The following PSMC6 variants were observed in gnomAD, a reference collection of about 807,000 sequenced individuals.
PSMC6 encodes proteasome 26S subunit, ATPase 6.
A neutral mutation model predicts 55.9 loss-of-function variants in PSMC6; 3 were observed. That is an observed-to-expected ratio of 0.05 (90% CI 0.02 to 0.14). The LOEUF is 0.14. Ranked by LOEUF, PSMC6 falls within the 10% of genes least tolerant of loss-of-function variation. PSMC6 has a pLI of 1.00. For synonymous variants in PSMC6, 137 were observed against 155.9 expected, an observed-to-expected ratio of 0.88 and a Z score of 0.90; for missense variants, 210 against 478.7, an observed-to-expected ratio of 0.44 and a Z score of 5.24.
chr14:52,720,015 A>G (rs1379807276), intron 10 of PSMC6, among the ~76,000 whole-genome samples: 1 of 152,028 alleles, frequency 6.6e-6, no homozygotes, highest in Non-Finnish European at 1.5e-5. Context: ...ATGAGGTCTG[A>G]GCATTGAGAC....
chr14:52,712,245 C>T (rs1331100879), intron 6 of PSMC6, among the ~76,000 whole-genome samples: 2 of 152,024 alleles, frequency 1.3e-5, no homozygotes, highest in South Asian at 2.1e-4. Flanking sequence ...ATTAAAAATA[C>T]ACATTACTAG....
At chr14:52,709,365 C>A (rs1477631641) in intron 4 of PSMC6, among the ~76,000 whole-genome samples, 2 of 152,284 alleles carry the variant, frequency 1.3e-5, no homozygotes, top group East Asian at 3.9e-4. Context: ...TTAGATAATT[C>A]TTTTAAATTC....
At chr14:52,712,399 G>C (rs1407067118) in intron 6 of PSMC6, among the ~76,000 whole-genome samples, 3 of 73,908 alleles carry the variant, frequency 4.1e-5, no homozygotes, top group Admixed American at 4.0e-4. Context: ...AAAAAAGGCA[G>C]TTCTCACCTG....
In PSMC6 at chr14:52,708,771, T is replaced by G; in HGVS notation, c.213T>G (p.Val71=). Residue 71 remains valine, a synonymous_variant, in exon 4 of 14, where the codon GTT becomes GTG. Coordinates refer to ENST00000445930, the MANE Select transcript of PSMC6 (RefSeq NM_002806.5). ...LKQLTEEKFI[V]KATNGPRYVV... ...TTATGTTTTTTCTTCTAGTCATTGT[T>G]AAAGCTACCAATGGACCAAGATATG... 2 of 1,613,602 alleles carry G rather than the reference T, an allele frequency of 1.2e-6. No individual in the cohort carries two copies. Among genetic ancestry groups the G allele is most frequent in the Non-Finnish European group, 1.7e-6 (2 of 1,179,810 alleles).
chr14:52,723,232 C>T (rs1482989300), intron 12 of PSMC6: 2 of 152,216 alleles, frequency 1.3e-5, no homozygotes, highest in Non-Finnish European at 2.9e-5. Context: ...AAATAGAGAA[C>T]GACATGCCCT....
chr14:52,720,043 C>T (rs2041871616), intron 10 of PSMC6, among the ~76,000 whole-genome samples: 2 of 151,756 alleles, frequency 1.3e-5, no homozygotes, highest in South Asian at 2.1e-4. Context: ...ACCAACGTAG[C>T]GAAACACCAT....
chr14:52,708,582 GA>G, intron 3 of PSMC6, 60 bp downstream of exon 3: 1 of 1,564,726 alleles, frequency 6.4e-7, no homozygotes, highest in East Asian at 2.2e-5. Context: ...TCTCACTTTT[GA>G]AATGCTTATT....
chr14:52,726,378 A>G (rs1594855996), intron 13 of PSMC6, among the ~76,000 whole-genome samples: 1 of 152,176 alleles, frequency 6.6e-6, no homozygotes, highest in Non-Finnish European at 1.5e-5. Flanking sequence ...ATGAATAATG[A>G]CTCCGAGTTT....
intron 6 of PSMC6, among the ~76,000 whole-genome samples, chr14:52,713,029 C>G (rs1330245166): frequency 6.6e-6 from 1 of 152,058 alleles, no homozygotes; most frequent in Admixed American, 6.6e-5. Flanking sequence ...GTCAGGAGTT[C>G]AAGACCAGCC....
chr14:52,723,616 T>G (rs2139857444), intron 12 of PSMC6: 1 of 211,856 alleles, frequency 4.7e-6, no homozygotes, highest in Middle Eastern at 1.8e-3. Flanking sequence ...GTTATAGGTT[T>G]ATTCAAATCC....
At chr14:52,716,382 T>C (rs2041830165) in intron 7 of PSMC6, among the ~76,000 whole-genome samples, 1 of 152,246 alleles carries the variant, frequency 6.6e-6, no homozygotes, top group Admixed American at 6.5e-5. Context: ...CAGAGATAGC[T>C]GCACTCCCAT....
At position 52,728,558 on chromosome 14, in the gene PSMC6, A is replaced by G. The variant is rs751457356; in HGVS notation, c.*941A>G. The G allele has an allele frequency of 3.3e-5, 5 of 152,236 alleles. No individual in the cohort carries two copies. The highest frequency in any genetic ancestry group is 5.9e-5 in the Non-Finnish European group (4 of 68,036). 9.4% of individuals were successfully genotyped at this position (152,236 alleles called of 1,614,324 possible). ...TTTCTGTTACCTATACATGATTCTT[A>G]TATCATCTGGCAATAAAAGCTATAA... is the stretch of plus-strand genomic sequence containing the variant. On this transcript the variant is annotated 3_prime_UTR_variant, in exon 14 of 14. Coordinates refer to ENST00000445930, the MANE Select transcript of PSMC6 (RefSeq NM_002806.5).
rs1018731335 is a variant in PSMC6 at position 52,721,363 on chromosome 14, T to A, written c.979+173T>A. 1.1e-5 allele frequency: 6 copies of A among 549,052 alleles called. No homozygotes were observed. The Admixed American group carries it at 1.9e-4, about 17-fold the overall frequency. The allele number at this position is 549,052 out of a possible 1,614,324, so 34.0% of individuals were successfully genotyped here. A position where few individuals can be genotyped will look rare whatever the true frequency, so the allele number is the denominator to read the frequency against. ...ATAAGCTAGGAACCATTGTAAGTGT[T>A]TTGTAAGGGCTGACAATATAGCAAG... On this transcript the variant is annotated intron_variant, in intron 12 of 13. Transcript: ENST00000445930.
chr14:52,723,928 A>AT, intron 12 of PSMC6, 37 bp from the exon 13 acceptor site: 1 of 1,605,226 alleles, frequency 6.2e-7, no homozygotes, highest in Non-Finnish European at 8.5e-7. Context: ...TAAAGGTCTA[A>AT]TTTTTAAAAC....
rs765299793 is a variant in PSMC6 at position 52,721,030 on chromosome 14, C to G, written c.898+49C>G. On this transcript the variant is annotated intron_variant, in intron 11 of 13. Transcript: ENST00000445930. ...TGTCCATTTCCCTTTGTGCCCATTTCTTTTTCCATACTTCACTTCACCTTC... is the reference window on the plus strand; with the variant it reads ...TGTCCATTTCCCTTTGTGCCCATTTGTTTTTCCATACTTCACTTCACCTTC... 4.4e-6 allele frequency: 7 copies of G among 1,594,560 alleles called. No homozygotes were observed. In the East Asian group the frequency reaches 1.3e-4, roughly 31 times the overall value.
intron 13 of PSMC6, among the ~76,000 whole-genome samples, chr14:52,726,016 G>A (rs1880394851): frequency 6.6e-6 from 1 of 152,166 alleles, no homozygotes; most frequent in African/African-American, 2.4e-5. Context: ...TAGAAATCTA[G>A]AAAGGAAGTA....
chr14:52,717,150 G>A (rs184713381), intron 7 of PSMC6, among the ~76,000 whole-genome samples: 5 of 152,248 alleles, frequency 3.3e-5, no homozygotes, highest in Admixed American at 3.3e-4. Flanking sequence ...TAACCACAAA[G>A]TAATGCTAAG....
Position 52,718,881 on chromosome 14 carries a change from AT to A in PSMC6, c.716-95del, listed in dbSNP as rs572963587. 6.9e-5 allele frequency: 64 copies of A among 926,948 alleles called. No homozygotes were observed. In the South Asian group the frequency reaches 8.9e-4, roughly 13 times the overall value. The allele number at this position is 926,948 out of a possible 1,614,324, so 57.4% of individuals were successfully genotyped here. A position where few individuals can be genotyped will look rare whatever the true frequency, so the allele number is the denominator to read the frequency against. On this transcript the variant is annotated intron_variant, in intron 9 of 13. Transcript: ENST00000445930. The stretch of plus-strand genomic sequence containing the variant: ...TTCTTGCTCTTTAATTTTCATCTTA[AT>A]GTTTTAAGCCACAGACTGTTATGTT...
At chr14:52,712,320 A>G (rs560784746) in intron 6 of PSMC6, among the ~76,000 whole-genome samples, 5 of 150,564 alleles carry the variant, frequency 3.3e-5, no homozygotes, top group Non-Finnish European at 7.4e-5. Flanking sequence ...TTAAACAAGC[A>G]TTCCAAGTGA....
Sources: allele counts gnomAD v4.1 joint callset (sites outside exome capture counted in the v4.1 genomes callset), GRCh38; gene constraint gnomAD v4.1.1; transcripts MANE v1.5; gene names NCBI Gene and HGNC (gene_info 2026-07-23, HGNC 2026-07-21).